The following MOB3A variants were observed in gnomAD, a reference collection of about 807,000 sequenced individuals.
MOB3A encodes MOB LAK.
A neutral mutation model predicts 17.8 loss-of-function variants in MOB3A; 17 were observed. The ratio of observed to expected loss-of-function variants is 0.95; its 90% CI spans 0.65 to 1.43. The LOEUF (loss-of-function observed/expected upper bound fraction) is 1.43, where lower values mean the gene tolerates loss of function less well. Ranked by LOEUF, MOB3A falls within the 40% of genes most tolerant of loss-of-function variation. The pLI, the probability that MOB3A is intolerant of heterozygous loss-of-function variation, is 0.00. For missense variants in MOB3A, 333 were observed against 310.8 expected, an observed-to-expected ratio of 1.07 and a Z score of -0.54; for synonymous variants, 124 against 133.2, an observed-to-expected ratio of 0.93 and a Z score of 0.48.
chr19:2,096,301 G>C lies in MOB3A; in HGVS notation c.-349C>G, dbSNP rs1389304164. On this transcript the variant is annotated 5_prime_UTR_variant, in exon 1 of 5. Coordinates refer to ENST00000357066, the MANE Select transcript of MOB3A (RefSeq NM_130807.3). ...CCTCGGCCGCCTCAGCCGCCGCACC[G>C]CCTCGCAGCCGCCGCGGAGGGACAC... 2 of 158,428 alleles carry C rather than the reference G, an allele frequency of 1.3e-5. No homozygotes were observed. The highest frequency in any genetic ancestry group is 4.8e-5 in the African/African-American group (2 of 41,436). 9.8% of individuals were successfully genotyped at this position (158,428 alleles called of 1,614,324 possible).
chr19:2,083,729 T>C (rs2017518542), intron 2 of MOB3A, among the ~76,000 whole-genome samples: 1 of 152,204 alleles, frequency 6.6e-6, no homozygotes, highest in Admixed American at 6.5e-5. Context: ...AAACCCAACC[T>C]GCCACAGCCT....
intron 1 of MOB3A, among the ~76,000 whole-genome samples, chr19:2,095,529 A>G (rs1338092604): frequency 6.6e-6 from 1 of 152,088 alleles, no homozygotes; most frequent in East Asian, 1.9e-4. Context: ...TTTAATCCAC[A>G]CCGGGAGGTG....
In MOB3A at chr19:2,077,019, G is replaced by C. The variant is rs144786970; in HGVS notation, c.422-6C>G. On this transcript the variant is annotated splice_region_variant and splice_polypyrimidine_tract_variant and intron_variant, in intron 3 of 4. Transcript: ENST00000357066. ...GTTCTTGGGAAACGGAGTGCCTGCA[G>C]GGAGAGGGGTGGGACGGGTCCACGG... 1,330 of 1,611,816 alleles carry C rather than the reference G, an allele frequency of 8.3e-4. 12 individuals are homozygous for C. The African/African-American group carries it at 0.015, about 19-fold the overall frequency.
Position 2,071,620 on chromosome 19 carries a change from G to T in MOB3A, c.*1775C>A, listed in dbSNP as rs2065235383. The T allele has an allele frequency of 1.3e-5, 2 of 152,398 alleles. No homozygotes were observed. Among genetic ancestry groups the T allele is most frequent in the African/African-American group, 2.4e-5 (1 of 41,436 alleles). 9.4% of individuals were successfully genotyped at this position (152,398 alleles called of 1,614,324 possible). A position where few individuals can be genotyped will look rare whatever the true frequency, so the allele number is the denominator to read the frequency against. ...GGGGTTCAGCCAGGGAGAGGAGGTG[G>T]CTGCCTTTTCTCAGGGCCCTGCTCT... On this transcript the variant is annotated 3_prime_UTR_variant, in exon 5 of 5. Coordinates refer to ENST00000357066, the MANE Select transcript of MOB3A (RefSeq NM_130807.3).
chr19:2,093,161 AT>A lies in MOB3A; in HGVS notation c.-274+3064del, dbSNP rs954620124. ...TGGGAGGATACCTCCTTGGAAGGGA[AT>A]TTTTTTTTTTTTCGAGACGTTGTCT... On this transcript the variant is annotated intron_variant, in intron 1 of 4. Coordinates refer to ENST00000357066, the MANE Select transcript of MOB3A (RefSeq NM_130807.3). The surrounding 1 kb of genome is among the most constrained non-coding windows in gnomAD (Gnocchi z 4.6). Among the ~76,000 whole-genome samples, 73 of 145,696 alleles carry A rather than the reference AT, an allele frequency of 5.0e-4. No homozygotes were observed. The highest frequency in any genetic ancestry group is 6.8e-4 in the African/African-American group (27 of 39,920).
chr19:2,095,813 C>T (rs1194829792), intron 1 of MOB3A, among the ~76,000 whole-genome samples: 1 of 151,226 alleles, frequency 6.6e-6, no homozygotes, highest in Non-Finnish European at 1.5e-5. Flanking sequence ...GATGTGATCT[C>T]GGCTCACTGC....
intron 1 of MOB3A, among the ~76,000 whole-genome samples, chr19:2,091,892 G>A (rs2017617858): frequency 6.7e-6 from 1 of 150,092 alleles, no homozygotes; most frequent in Admixed American, 6.6e-5. Flanking sequence ...AGCTATTCAG[G>A]AGGCTGAGAC....
At position 2,078,448 on chromosome 19, in the gene MOB3A, G is replaced by C. The variant is rs542254202; in HGVS notation, c.113C>G (p.Ser38Trp). The C allele has an allele frequency of 3.7e-6, 6 of 1,613,372 alleles. No individual in the cohort carries two copies. Among genetic ancestry groups the C allele is most frequent in the Middle Eastern group, 1.7e-4 (1 of 6,060 alleles). Residue 38 changes from serine (S) to tryptophan (W), a missense_variant, in exon 3 of 5, where the codon TCG becomes TGG. Coordinates refer to ENST00000357066, the MANE Select transcript of MOB3A (RefSeq NM_130807.3). The stretch of plus-strand genomic sequence containing the variant: ...CCGCAGGTCCAGCCCGGCGTTCAGC[G>C]ACGCCTGCGCCTTCTTGTGCAGCTC... The part of the protein sequence containing the change: ...RFELHKKAQA[S>W]LNAGLDLRLA...
chr19:2,081,904 C>T (rs1017496813), intron 2 of MOB3A, among the ~76,000 whole-genome samples: 10 of 152,144 alleles, frequency 6.6e-5, no homozygotes, highest in Non-Finnish European at 1.2e-4. Flanking sequence ...CACAACACAA[C>T]ACGGTGCCCA....
intron 1 of MOB3A, among the ~76,000 whole-genome samples, chr19:2,090,881 C>T (rs999427189): frequency 6.6e-6 from 1 of 152,200 alleles, no homozygotes; most frequent in African/African-American, 2.4e-5. Flanking sequence ...TCAGGATGGT[C>T]TCGATCTCCT....
intron 2 of MOB3A, among the ~76,000 whole-genome samples, chr19:2,081,175 T>C (rs1341932467): frequency 6.6e-6 from 1 of 152,024 alleles, no homozygotes. Flanking sequence ...GCCCCAGGGC[T>C]TAGGGTTAGG....
At chr19:2,081,449 A>G (rs1225243780) in intron 2 of MOB3A, among the ~76,000 whole-genome samples, 1 of 151,848 alleles carries the variant, frequency 6.6e-6, no homozygotes, top group Non-Finnish European at 1.5e-5. Flanking sequence ...TTAGCCAGAC[A>G]TGGTGGCGGG....
At chr19:2,079,147 C>G (rs529128364) in intron 2 of MOB3A, among the ~76,000 whole-genome samples, 1 of 152,236 alleles carries the variant, frequency 6.6e-6, no homozygotes, top group African/African-American at 2.4e-5. Flanking sequence ...CTGCGCGTGG[C>G]GAGGCCTGAC....
chr19:2,084,211 T>TG (rs2017524810), intron 2 of MOB3A: 5 of 466,504 alleles, frequency 1.1e-5, no homozygotes, highest in Non-Finnish European at 1.3e-5. Flanking sequence ...AGGTGAGGGG[T>TG]GCCAGGCGAG....
intron 2 of MOB3A, among the ~76,000 whole-genome samples, chr19:2,081,537 G>C (rs897390123): frequency 4.7e-5 from 7 of 148,436 alleles, no homozygotes; most frequent in Admixed American, 4.7e-4. Context: ...GCAGTGAGCC[G>C]AGATCACACC....
intron 1 of MOB3A, among the ~76,000 whole-genome samples, chr19:2,090,863 C>T (rs770855732): frequency 1.6e-4 from 24 of 152,172 alleles, no homozygotes; most frequent in Non-Finnish European, 2.9e-4. Flanking sequence ...GGGGTTTCAC[C>T]GTGTTAGTCA....
chr19:2,091,322 G>A (rs922617647), intron 1 of MOB3A, among the ~76,000 whole-genome samples: 14 of 152,254 alleles, frequency 9.2e-5, no homozygotes, highest in African/African-American at 1.2e-4. Flanking sequence ...GCTCTGACAC[G>A]GAAGGACACC....
At position 2,085,442 on chromosome 19, in the gene MOB3A, C is replaced by T. The variant is rs1203340377; in HGVS notation, c.-273-114G>A. Reference sequence around the variant, plus strand: ...CCAACTGGTATGACCCCTCCCCCACCGAGGTGTAGCAGCTCACGGACCACA... The same window carrying T: ...CCAACTGGTATGACCCCTCCCCCACTGAGGTGTAGCAGCTCACGGACCACA... On this transcript the variant is annotated intron_variant, in intron 1 of 4. Coordinates refer to ENST00000357066, the MANE Select transcript of MOB3A (RefSeq NM_130807.3). The T allele has an allele frequency of 5.3e-5, 8 of 151,868 alleles. No homozygotes were observed. In the East Asian group the frequency reaches 7.7e-4, roughly 15 times the overall value. 9.4% of individuals were successfully genotyped at this position (151,868 alleles called of 1,614,324 possible). A position where few individuals can be genotyped will look rare whatever the true frequency, so the allele number is the denominator to read the frequency against.
At position 2,071,437 on chromosome 19, in the gene MOB3A, G is replaced by A. The variant is rs899678537; in HGVS notation, c.*1958C>T. 8 of 152,384 alleles carry A rather than the reference G, an allele frequency of 5.2e-5. No homozygotes were observed. The highest frequency in any genetic ancestry group is 1.9e-4 in the African/African-American group (8 of 41,470). 9.4% of individuals were successfully genotyped at this position (152,384 alleles called of 1,614,324 possible). On this transcript the variant is annotated 3_prime_UTR_variant, in exon 5 of 5. Coordinates refer to ENST00000357066, the MANE Select transcript of MOB3A (RefSeq NM_130807.3). The stretch of plus-strand genomic sequence containing the variant: ...GCACTTGTTCGATTTTCTGGCAGAA[G>A]CCAGGAGAGACGGGGACAGCGTGCT...
Sources: allele counts gnomAD v4.1 joint callset (sites outside exome capture counted in the v4.1 genomes callset), GRCh38; gene constraint gnomAD v4.1.1; non-coding constraint Gnocchi (gnomAD v3.1); transcripts MANE v1.5; gene names NCBI Gene and HGNC (gene_info 2026-07-23, HGNC 2026-07-21).